Variants in ACBD6 observed in about 807,000 individuals in gnomAD.
The protein encoded by ACBD6 is acyl-CoA-binding domain-containing protein 6.
In ACBD6, 28 loss-of-function variants were observed where a neutral mutation model predicts 37.2. That is an observed-to-expected ratio of 0.75 (90% confidence interval 0.56 to 1.03). ACBD6 has a LOEUF of 1.03. Ranked by LOEUF, ACBD6 falls within the 50% of genes least tolerant of loss-of-function variation. ACBD6 has a pLI of 0.00. For synonymous variants in ACBD6, 113 were observed against 126.8 expected (o/e 0.89, Z 0.73); for missense variants, 340 against 337.4 (o/e 1.01, Z -0.06).
intron 1 of ACBD6, among the ~76,000 whole-genome samples, chr1:180,497,771 C>T (rs374228839): frequency 1.5e-3 from 235 of 152,202 alleles, no homozygotes; most frequent in African/African-American, 5.4e-3. Flanking sequence ...TCTAATGCTG[C>T]ATCCAGTCTA....
chr1:180,438,287 G>T (rs1649134794), intron 3 of ACBD6: 1 of 152,808 alleles, frequency 6.5e-6, no homozygotes, highest in Non-Finnish European at 1.5e-5. Flanking sequence ...GCCAAAAAGG[G>T]TGGGGACTGC....
chr1:180,440,166 T>A (rs769567590), intron 3 of ACBD6, among the ~76,000 whole-genome samples: 1 of 152,176 alleles, frequency 6.6e-6, no homozygotes, highest in Non-Finnish European at 1.5e-5. Context: ...TGGAGTGCAG[T>A]GGTGCAATCT....
At chr1:180,454,933 T>C (rs1440420859) in intron 3 of ACBD6, among the ~76,000 whole-genome samples, 2 of 152,204 alleles carry the variant, frequency 1.3e-5, no homozygotes, top group African/African-American at 2.4e-5. Context: ...GACTGTAAAC[T>C]AGTTCAACCA....
intron 7 of ACBD6, among the ~76,000 whole-genome samples, chr1:180,311,986 C>T (rs1033335374): frequency 1.3e-5 from 2 of 152,190 alleles, no homozygotes; most frequent in Non-Finnish European, 2.9e-5. Context: ...ATTATTATAG[C>T]TGTAAGATAA....
chr1:180,391,029 T>C lies in ACBD6; in HGVS notation c.663+6487A>G, dbSNP rs143017927. ...AAGAATCTAGAAATAAACCCTCATA[T>C]TTATAAACAAATTTATTTTTGACAA... On this transcript the variant is annotated intron_variant, in intron 6 of 7. Coordinates refer to ENST00000367595, the MANE Select transcript of ACBD6 (RefSeq NM_032360.4). Among the ~76,000 whole-genome samples the C allele has an allele frequency of 4.6e-5, 7 of 152,296 alleles. No individual in the cohort carries two copies. In the East Asian group the frequency reaches 1.3e-3, roughly 29 times the overall value.
chr1:180,288,830 T>A (rs1649587013), intron 7 of ACBD6, among the ~76,000 whole-genome samples: 1 of 152,164 alleles, frequency 6.6e-6, no homozygotes, highest in Non-Finnish European at 1.5e-5. Context: ...AAAATAGTAT[T>A]TAAGTATCTA....
chr1:180,470,091 T>C (rs886590211), intron 3 of ACBD6, among the ~76,000 whole-genome samples: 1 of 152,174 alleles, frequency 6.6e-6, no homozygotes, highest in Non-Finnish European at 1.5e-5. Flanking sequence ...AATTCCACAT[T>C]AACATTGTTG....
intron 6 of ACBD6, among the ~76,000 whole-genome samples, chr1:180,376,219 A>C (rs556151003): frequency 6.6e-6 from 1 of 152,348 alleles, no homozygotes; most frequent in South Asian, 2.1e-4. Context: ...TCTCTTATGA[A>C]CTGGTAGTGG....
At chr1:180,328,550 G>A (rs1651346825) in intron 6 of ACBD6, among the ~76,000 whole-genome samples, 2 of 151,864 alleles carry the variant, frequency 1.3e-5, no homozygotes, top group East Asian at 1.9e-4. Context: ...ATTTTCCCAT[G>A]ATATGGCTAA....
At chr1:180,271,933 G>C in exon 14 of ACBD6, 1 of 1,613,392 alleles carries the variant, frequency 6.2e-7, no homozygotes. Flanking sequence ...AGAGGAGCCG[G>C]GGCAGCAGCA....
Position 180,471,545 on chromosome 1 carries a change from A to G in ACBD6, c.384+20724T>C, listed in dbSNP as rs564530391. Among the ~76,000 whole-genome samples, 8 of 152,252 alleles carry G rather than the reference A, an allele frequency of 5.3e-5. No homozygotes were observed. The East Asian group carries it at 1.2e-3, about 22-fold the overall frequency. On this transcript the variant is annotated intron_variant, in intron 3 of 7. Transcript: ENST00000367595. ...GTTCCACATGGCTGGGGAGGCCTCA[A>G]AATCATGGTGGGGGGCAAAAGGCAC...
At chr1:180,391,964 A>G (rs1654093576) in intron 6 of ACBD6, among the ~76,000 whole-genome samples, 1 of 152,172 alleles carries the variant, frequency 6.6e-6, no homozygotes, top group African/African-American at 2.4e-5. Context: ...ATGAAATGTT[A>G]TACAGCAATA....
At chr1:180,271,766 A>G in exon 14 of ACBD6, 2 of 1,570,114 alleles carry the variant, frequency 1.3e-6, no homozygotes, top group Non-Finnish European at 1.8e-6. Context: ...CCGCCCGCCT[A>G]GGGGGTCCTG....
At chr1:180,387,379 T>G (rs1199755914) in intron 6 of ACBD6, among the ~76,000 whole-genome samples, 2 of 152,200 alleles carry the variant, frequency 1.3e-5, no homozygotes, top group Non-Finnish European at 1.5e-5. Context: ...TTATTGCTTT[T>G]AATTCCAGGG....
Position 180,361,399 on chromosome 1 carries a change from G to C in ACBD6, c.663+36117C>G, listed in dbSNP as rs59702178. 6.7e-3 allele frequency among the ~76,000 whole-genome samples: 1,010 copies of C among 150,746 alleles called. 17 individuals are homozygous for C. Among genetic ancestry groups the C allele is most frequent in the African/African-American group, 0.023 (965 of 41,066 alleles). On this transcript the variant is annotated intron_variant, in intron 6 of 7. Coordinates refer to ENST00000367595, the MANE Select transcript of ACBD6 (RefSeq NM_032360.4). ...CAGTCCAAATAACAAACAAATAATA[G>C]AATCTGTAAAGTATCTGTAAAATCT...
chr1:180,430,101 A>G, intron 4 of ACBD6, 79 bp downstream of exon 4: 3 of 1,204,994 alleles, frequency 2.5e-6, no homozygotes, highest in Non-Finnish European at 3.7e-6. Flanking sequence ...ATATACACAT[A>G]CATAAGCACA....
At chr1:180,402,976 T>A (rs1221333678) in intron 5 of ACBD6, among the ~76,000 whole-genome samples, 2 of 152,110 alleles carry the variant, frequency 1.3e-5, no homozygotes, top group African/African-American at 2.4e-5. Context: ...AAGACAATGG[T>A]ATATTCACAT....
chr1:180,453,985 A>T (rs1649814856), intron 3 of ACBD6, among the ~76,000 whole-genome samples: 2 of 152,204 alleles, frequency 1.3e-5, no homozygotes, highest in African/African-American at 4.8e-5. Context: ...ATCCCCATCA[A>T]GCTACCATTG....
intron 7 of ACBD6, among the ~76,000 whole-genome samples, chr1:180,298,989 C>T (rs919703820): frequency 6.6e-6 from 1 of 152,204 alleles, no homozygotes; most frequent in African/African-American, 2.4e-5. Context: ...TTTATGTTAG[C>T]ACAGAGCCTA....
Sources: allele counts gnomAD v4.1 joint callset (sites outside exome capture counted in the v4.1 genomes callset), GRCh38; gene constraint gnomAD v4.1.1; transcripts MANE v1.5; gene names NCBI Gene and HGNC (gene_info 2026-07-23, HGNC 2026-07-21).